Variants in IL1RAPL1 observed in about 807,000 individuals in gnomAD.
The protein encoded by IL1RAPL1 is interleukin 1 receptor accessory protein like 1, also known as interleukin-1 receptor accessory protein-like 1.
IL1RAPL1 carries 3 observed loss-of-function variants against 48.4 expected under a neutral mutation model. That is an observed-to-expected ratio of 0.06 (90% CI 0.03 to 0.16). The LOEUF is 0.16. Ranked by LOEUF, IL1RAPL1 falls within the 10% of genes least tolerant of loss-of-function variation. The pLI, the probability that IL1RAPL1 is intolerant of heterozygous loss-of-function variation, is 1.00. For missense variants in IL1RAPL1, 349 were observed against 530.6 expected, an observed-to-expected ratio of 0.66 and a Z score of 3.36; for synonymous variants, 185 against 187.7, an observed-to-expected ratio of 0.99 and a Z score of 0.12.
At chrX:29,376,416 G>A (rs1386421354) in intron 3 of IL1RAPL1, among the ~76,000 whole-genome samples, 2 of 109,417 alleles carry the variant, frequency 1.8e-5, no homozygotes, top group Non-Finnish European at 3.8e-5. Context: ...TGTTAACCAG[G>A]CTGGAGTGCA....
intron 6 of IL1RAPL1, among the ~76,000 whole-genome samples, chrX:29,878,729 C>T (rs1931960711): frequency 8.9e-6 from 1 of 111,817 alleles, no homozygotes; most frequent in Non-Finnish European, 1.9e-5. Flanking sequence ...CTGTCACTGT[C>T]TATAATTTTA....
chrX:29,858,143 C>CT (rs1931510530), intron 6 of IL1RAPL1, among the ~76,000 whole-genome samples: 1 of 111,265 alleles, frequency 9.0e-6, no homozygotes, highest in Non-Finnish European at 1.9e-5. Context: ...CCAAATTTTG[C>CT]TTTGTGCCTT....
chrX:29,530,394 G>C (rs1013252871), intron 5 of IL1RAPL1, among the ~76,000 whole-genome samples: 1 of 111,173 alleles, frequency 9.0e-6, no homozygotes, highest in Non-Finnish European at 1.9e-5. Flanking sequence ...TTGAATAAAG[G>C]GTTCATTATT....
At chrX:29,707,132 G>C (rs762482982) in intron 6 of IL1RAPL1, among the ~76,000 whole-genome samples, 1 of 111,518 alleles carries the variant, frequency 9.0e-6, no homozygotes, top group Non-Finnish European at 1.9e-5. Flanking sequence ...CTAAGGACAT[G>C]AGTAGACAAT....
At chrX:29,698,806 A>C (rs959409395) in intron 6 of IL1RAPL1, among the ~76,000 whole-genome samples, 25 of 112,411 alleles carry the variant, frequency 2.2e-4, no homozygotes, top group African/African-American at 7.8e-4. Context: ...GAAAGGAAGA[A>C]TAGAAGTTAG....
At chrX:29,597,107 T>C (rs986347106) in intron 5 of IL1RAPL1, among the ~76,000 whole-genome samples, 1 of 110,736 alleles carries the variant, frequency 9.0e-6, no homozygotes. Flanking sequence ...GCTTATCTTT[T>C]TGATATGCTG....
At chrX:29,880,956 C>T (rs756734043) in intron 6 of IL1RAPL1, among the ~76,000 whole-genome samples, 1,184 of 111,372 alleles carry the variant, frequency 0.011, 13 homozygotes, top group African/African-American at 0.035. Context: ...GAGAAATGTT[C>T]GCCAACCACA....
intron 6 of IL1RAPL1, among the ~76,000 whole-genome samples, chrX:29,731,533 G>A (rs1476901198): frequency 8.9e-6 from 1 of 111,981 alleles, no homozygotes; most frequent in East Asian, 2.8e-4. Flanking sequence ...GGATCCTCCA[G>A]GAAGCAAAAA....
At chrX:29,867,370 G>A (rs1174738290) in intron 6 of IL1RAPL1, among the ~76,000 whole-genome samples, 1 of 111,380 alleles carries the variant, frequency 9.0e-6, no homozygotes, top group East Asian at 2.8e-4. Flanking sequence ...GCCTTTTGGA[G>A]GTGATTAAGT....
chrX:29,277,835 A>G (rs919427603), intron 2 of IL1RAPL1, among the ~76,000 whole-genome samples: 2 of 112,064 alleles, frequency 1.8e-5, no homozygotes, highest in East Asian at 2.8e-4. Context: ...AAATTGATTT[A>G]TGTTTCATAT....
chrX:29,618,383 T>C (rs1924355207), intron 5 of IL1RAPL1, among the ~76,000 whole-genome samples: 1 of 112,068 alleles, frequency 8.9e-6, no homozygotes, highest in Non-Finnish European at 1.9e-5. Flanking sequence ...ATGACTGCTT[T>C]AAAAATTGCC....
chrX:29,137,503 A>G (rs1306350530), intron 2 of IL1RAPL1, among the ~76,000 whole-genome samples: 2 of 111,988 alleles, frequency 1.8e-5, no homozygotes, highest in East Asian at 2.8e-4. Flanking sequence ...TAGTGTATGA[A>G]CCACATTTAT....
chrX:29,358,687 G>A (rs1455663514), intron 3 of IL1RAPL1, among the ~76,000 whole-genome samples: 2 of 110,211 alleles, frequency 1.8e-5, no homozygotes, highest in Non-Finnish European at 3.8e-5. Flanking sequence ...ATTTTGTCAC[G>A]GTGAGAACAT....
At chrX:29,051,172 G>A (rs767568090) in intron 2 of IL1RAPL1, among the ~76,000 whole-genome samples, 1 of 112,261 alleles carries the variant, frequency 8.9e-6, no homozygotes, top group African/African-American at 3.2e-5. Context: ...AACATGTGTT[G>A]TAGGTAAGCA....
chrX:29,497,604 G>A (rs955912632), intron 5 of IL1RAPL1, among the ~76,000 whole-genome samples: 2 of 110,818 alleles, frequency 1.8e-5, no homozygotes, highest in Non-Finnish European at 3.8e-5. Flanking sequence ...CATTTTCAGT[G>A]TCATTCATGC....
intron 6 of IL1RAPL1, among the ~76,000 whole-genome samples, chrX:29,903,989 GTTTCT>G (rs940602491): frequency 6.2e-5 from 7 of 112,079 alleles, no homozygotes; most frequent in African/African-American, 9.7e-5. Flanking sequence ...GCTTAAATTT[GTTTCT>G]TTTATTATTT....
At chrX:28,635,836 T>C (rs1158078424) in intron 1 of IL1RAPL1, among the ~76,000 whole-genome samples, 1 of 111,395 alleles carries the variant, frequency 9.0e-6, no homozygotes, top group Non-Finnish European at 1.9e-5. Context: ...GGCATGGCCA[T>C]CCACTGAATA....
chrX:28,920,171 C>G (rs1176348002), intron 2 of IL1RAPL1, among the ~76,000 whole-genome samples: 2 of 111,789 alleles, frequency 1.8e-5, no homozygotes, highest in African/African-American at 6.5e-5. Flanking sequence ...ATGTGATAAG[C>G]TCTTGTCTTG....
intron 1 of IL1RAPL1, among the ~76,000 whole-genome samples, chrX:28,723,011 A>T (rs747272663): frequency 9.0e-6 from 1 of 111,003 alleles, no homozygotes; most frequent in African/African-American, 3.3e-5. Context: ...CTTATTGAGG[A>T]TTTTTACATC....
Sources: gnomAD v4.1 joint callset for allele counts (sites outside exome capture counted in the v4.1 genomes callset) on GRCh38, gnomAD v4.1.1 for gene constraint, MANE v1.5 for transcripts, NCBI Gene and HGNC (gene_info 2026-07-23, HGNC 2026-07-21) for gene names.